NIPA2: variants seen among roughly 807,000 people sequenced by gnomAD.
NIPA2 encodes magnesium transporter NIPA2.
In NIPA2, 11 loss-of-function variants were observed where a neutral mutation model predicts 29.7. The ratio of observed to expected loss-of-function variants is 0.37; its 90% CI spans 0.23 to 0.61. NIPA2 has a LOEUF of 0.61. NIPA2 is among the 20% of genes least tolerant of loss of function. The pLI is 0.66. For missense variants in NIPA2, 426 were observed against 437.9 expected (o/e 0.97, Z 0.24); for synonymous variants, 183 against 161.9 (o/e 1.13, Z -0.99).
rs1472446965 is a variant in NIPA2, at chr15:22,842,975, C to A, written c.-215-2171C>A. On this transcript the variant is annotated intron_variant, in intron 2 of 7. Transcript: ENST00000337451. ...CAGAGATTGCGTCACTGCACTCCAGCCTGGGCAACAGAGTGAGACTCTGTC... is the reference window on the plus strand; with the variant it reads ...CAGAGATTGCGTCACTGCACTCCAGACTGGGCAACAGAGTGAGACTCTGTC... Among the ~76,000 whole-genome samples, 4 of 151,002 alleles carry A rather than the reference C, an allele frequency of 2.6e-5. 1 individual carries two copies. Among genetic ancestry groups the A allele is most frequent in the African/African-American group, 9.8e-5 (4 of 40,926 alleles).
intron 7 of NIPA2, among the ~76,000 whole-genome samples, chr15:22,865,447 C>T (rs1396512122): frequency 4.0e-5 from 6 of 151,712 alleles, no homozygotes; most frequent in African/African-American, 1.5e-4. Flanking sequence ...GATCGCACCA[C>T]TGCACTCCAG....
At chr15:22,850,905 A>T (rs1231309521) in intron 3 of NIPA2, among the ~76,000 whole-genome samples, 1 of 152,138 alleles carries the variant, frequency 6.6e-6, no homozygotes, top group Non-Finnish European at 1.5e-5. Context: ...GTTGCTAAAA[A>T]CTATTTTTTC....
Position 22,866,953 on chromosome 15 carries a change from A to AATC in NIPA2, c.*107_*109dup, listed in dbSNP as rs1171506285. The AATC allele has an allele frequency of 2.3e-5, 25 of 1,105,596 alleles. No individual in the cohort carries two copies. In the East Asian group the frequency reaches 2.7e-4, roughly 12 times the overall value. The allele number at this position is 1,105,596 out of a possible 1,614,324, so 68.5% of individuals were successfully genotyped here. A position where few individuals can be genotyped will look rare whatever the true frequency, so the allele number is the denominator to read the frequency against. Reference sequence around the variant, plus strand: ...TCCTCAAATAATGTTCTTTAAAGGCAATCTTTTTAAAGATTTCACTAATTT... The same window carrying AATC: ...TCCTCAAATAATGTTCTTTAAAGGCAATCATCTTTTTAAAGATTTCACTAATTT... On this transcript the variant is annotated 3_prime_UTR_variant, in exon 8 of 8. Coordinates refer to ENST00000337451, the MANE Select transcript of NIPA2 (RefSeq NM_030922.7).
At chr15:22,841,332 A>G (rs1296781189) in intron 2 of NIPA2, among the ~76,000 whole-genome samples, 1 of 152,194 alleles carries the variant, frequency 6.6e-6, no homozygotes, top group Admixed American at 6.5e-5. Flanking sequence ...ATCCTTAAAC[A>G]TTTCTGCATA....
chr15:22,858,271 G>A (rs1035409914), intron 5 of NIPA2, among the ~76,000 whole-genome samples: 7 of 152,142 alleles, frequency 4.6e-5, no homozygotes, highest in Non-Finnish European at 1.0e-4. Flanking sequence ...GCGAGTGCCT[G>A]CGGTCCCAGC....
intron 2 of NIPA2, among the ~76,000 whole-genome samples, chr15:22,844,479 G>A (rs377169107): frequency 2.0e-5 from 3 of 152,056 alleles, no homozygotes; most frequent in Admixed American, 6.6e-5. Context: ...GCTTGAACCC[G>A]GGAGACGGAG....
In NIPA2 at chr15:22,839,465, A is replaced by G. The variant is rs112873764; in HGVS notation, c.-351-190A>G. Among the ~76,000 whole-genome samples the G allele has an allele frequency of 3.0e-3, 462 of 152,260 alleles. 2 individuals carry two copies. Among genetic ancestry groups the G allele is most frequent in the African/African-American group, 0.011 (443 of 41,548 alleles). On this transcript the variant is annotated intron_variant, in intron 1 of 7. Transcript: ENST00000337451. ...CATGTGCCCGGTTAATACTTTTTTTAGTAAGAGGAAATATCAGAGTCGAGA... is the reference window on the plus strand; with the variant it reads ...CATGTGCCCGGTTAATACTTTTTTTGGTAAGAGGAAATATCAGAGTCGAGA...
chr15:22,858,178 G>T (rs927616728), intron 5 of NIPA2, among the ~76,000 whole-genome samples: 1 of 152,140 alleles, frequency 6.6e-6, no homozygotes, highest in African/African-American at 2.4e-5. Context: ...CAGATCACGA[G>T]GTCAGGAGAT....
At chr15:22,851,073 C>A (rs765153135) in intron 3 of NIPA2, among the ~76,000 whole-genome samples, 1 of 152,122 alleles carries the variant, frequency 6.6e-6, no homozygotes, top group Non-Finnish European at 1.5e-5. Flanking sequence ...CAAAGGCCAC[C>A]GGTACCATAC....
chr15:22,839,547 T>C (rs958130806), intron 1 of NIPA2, 108 bp from the exon 2 acceptor site: 1 of 152,124 alleles, frequency 6.6e-6, no homozygotes. Flanking sequence ...TTGAGTAGGT[T>C]TTATGTTGAT....
chr15:22,853,334 T>TATAG (rs965313159), intron 5 of NIPA2, 66 bp downstream of exon 5: 1 of 988,866 alleles, frequency 1.0e-6, no homozygotes, highest in African/African-American at 1.6e-5. Context: ...CATATGGTAT[T>TATAG]ATAGCCTCAT....
intron 5 of NIPA2, among the ~76,000 whole-genome samples, chr15:22,853,868 C>A (rs184076399): frequency 6.6e-6 from 1 of 152,044 alleles, no homozygotes; most frequent in Non-Finnish European, 1.5e-5. Context: ...CTTGCTCTGT[C>A]GCCAGGCTGT....
chr15:22,852,384 T>G (rs2057821044), intron 4 of NIPA2, among the ~76,000 whole-genome samples: 1 of 151,000 alleles, frequency 6.6e-6, no homozygotes, highest in East Asian at 2.0e-4. Flanking sequence ...CAGAATCGCT[T>G]GAACCCGGGA....
rs538970722 is a variant in NIPA2, at chr15:22,845,436, C to A, written c.-94+169C>A. On this transcript the variant is annotated intron_variant, in intron 3 of 7. Transcript: ENST00000337451. ...GATCACCTTATTTGGTGATATGCCT[C>A]ATTCTAGAAAGATTTGTAAATCAAA... 4.1e-4 allele frequency among the ~76,000 whole-genome samples: 63 copies of A among 152,282 alleles called. 1 individual carries two copies. In the Middle Eastern group the frequency reaches 0.01, roughly 25 times the overall value.
At position 22,860,557 on chromosome 15, in the gene NIPA2, C is replaced by T. The variant is rs761970946; in HGVS notation, c.288-72C>T. 92 of 989,510 alleles carry T rather than the reference C, an allele frequency of 9.3e-5. 3 individuals carry two copies. Among genetic ancestry groups the T allele is most frequent in the South Asian group, 4.2e-4 (25 of 59,722 alleles). The allele number at this position is 989,510 out of a possible 1,614,324, so 61.3% of individuals were successfully genotyped here. ...AGTTTGATTTCAGTGATTTAAATTA[C>T]GAGTTTTATTGATATTTGAAAAAGG... On this transcript the variant is annotated intron_variant, in intron 6 of 7. Coordinates refer to ENST00000337451, the MANE Select transcript of NIPA2 (RefSeq NM_030922.7).
At chr15:22,853,374 C>A (rs1193855473) in intron 5 of NIPA2, 106 bp downstream of exon 5, 19 of 380,184 alleles carry the variant, frequency 5.0e-5, no homozygotes, top group Middle Eastern at 6.9e-4. Flanking sequence ...TTTAAATAAT[C>A]TTTTTTTTTT....
At chr15:22,864,409 C>T (rs1014138936) in intron 7 of NIPA2, among the ~76,000 whole-genome samples, 2 of 152,198 alleles carry the variant, frequency 1.3e-5, no homozygotes, top group Non-Finnish European at 2.9e-5. Flanking sequence ...CCACCTCGGC[C>T]GCCCAAAGTG....
intron 2 of NIPA2, among the ~76,000 whole-genome samples, chr15:22,841,654 G>C (rs1449503439): frequency 6.6e-6 from 1 of 152,002 alleles, no homozygotes; most frequent in Non-Finnish European, 1.5e-5. Context: ...GATTACAGGC[G>C]CCCGCCACCA....
intron 2 of NIPA2, among the ~76,000 whole-genome samples, chr15:22,842,376 G>T (rs1897310193): frequency 6.6e-6 from 1 of 152,194 alleles, no homozygotes; most frequent in Non-Finnish European, 1.5e-5. Context: ...AACACAGGAT[G>T]TGTGAAATAT....
Sources: allele counts gnomAD v4.1 joint callset (sites outside exome capture counted in the v4.1 genomes callset), GRCh38; gene constraint gnomAD v4.1.1; transcripts MANE v1.5; gene names NCBI Gene and HGNC (gene_info 2026-07-23, HGNC 2026-07-21).